The following DLGAP1 variants were observed in gnomAD, a reference collection of about 807,000 sequenced individuals.
The protein encoded by DLGAP1 is disks large-associated protein 1.
Under a neutral mutation model 90.8 loss-of-function variants are expected in DLGAP1, and 11 were observed. The ratio of observed to expected loss-of-function variants is 0.12; its 90% confidence interval spans 0.08 to 0.20. The LOEUF is 0.20. DLGAP1 is among the 10% of genes least tolerant of loss of function. DLGAP1 has a pLI of 1.00. For synonymous variants in DLGAP1, 558 were observed against 540.7 expected, an observed-to-expected ratio of 1.03 and a Z score of -0.44; for missense variants, 1,050 against 1,333.8, an observed-to-expected ratio of 0.79 and a Z score of 3.31.
chr18:3,719,906 C>T (rs1400024621), intron 7 of DLGAP1, among the ~76,000 whole-genome samples: 2 of 152,078 alleles, frequency 1.3e-5, no homozygotes, highest in Admixed American at 6.6e-5. Flanking sequence ...TTTAAAATTT[C>T]ATTATGGGAC....
intron 2 of DLGAP1, among the ~76,000 whole-genome samples, chr18:4,061,472 CA>C (rs1283825724): frequency 6.6e-6 from 1 of 152,068 alleles, no homozygotes; most frequent in Non-Finnish European, 1.5e-5. Context: ...AAAAGTACAA[CA>C]TTTTTTTTGA....
chr18:4,170,877 G>A (rs187718892), intron 1 of DLGAP1, among the ~76,000 whole-genome samples: 2 of 152,242 alleles, frequency 1.3e-5, no homozygotes, highest in East Asian at 1.9e-4. Flanking sequence ...TGCTTTTGAT[G>A]GGGGTTATAT....
In DLGAP1 at chr18:3,798,594, C is replaced by T. The variant is rs536458646; in HGVS notation, c.1172+15465G>A. Among the ~76,000 whole-genome samples, 8 of 152,230 alleles carry T rather than the reference C, an allele frequency of 5.3e-5. No homozygotes were observed. The South Asian group carries it at 1.5e-3, about 28-fold the overall frequency. On this transcript the variant is annotated intron_variant, in intron 5 of 12. Transcript: ENST00000315677. ...TGGCACATGGAGGGTGGTTGAGTAC[C>T]CTGGTCTCTGAGCGTATCTGTTTCT...
chr18:4,226,987 T>C (rs574681287), intron 1 of DLGAP1, among the ~76,000 whole-genome samples: 2 of 151,534 alleles, frequency 1.3e-5, no homozygotes, highest in East Asian at 1.9e-4. Flanking sequence ...TAAAGAAATA[T>C]ATACACTGAA....
chr18:4,093,663 A>G (rs1433563593), intron 2 of DLGAP1, among the ~76,000 whole-genome samples: 1 of 151,998 alleles, frequency 6.6e-6, no homozygotes, highest in Non-Finnish European at 1.5e-5. Context: ...ATAGTAGCAG[A>G]GTTTGTTTTG....
intron 11 of DLGAP1, among the ~76,000 whole-genome samples, chr18:3,507,703 C>A (rs1251633196): frequency 6.7e-6 from 1 of 148,692 alleles, no homozygotes; most frequent in Non-Finnish European, 1.5e-5. Context: ...TCCAGCTTGA[C>A]CAACAATTGA....
intron 2 of DLGAP1, among the ~76,000 whole-genome samples, chr18:4,028,407 G>A (rs894424154): frequency 6.6e-6 from 1 of 152,170 alleles, no homozygotes; most frequent in African/African-American, 2.4e-5. Context: ...GTGCATTCAG[G>A]TGGCAGCAAA....
intron 7 of DLGAP1, among the ~76,000 whole-genome samples, chr18:3,639,359 GAGAAAAGAAA>G (rs199859623): frequency 0.03 from 4,073 of 136,618 alleles, 89 homozygotes; most frequent in Admixed American, 0.049. Context: ...ATCTCAAAAA[GAGAAAAGAAA>G]AGAAAAGAAA....
intron 1 of DLGAP1, among the ~76,000 whole-genome samples, chr18:4,330,718 T>G (rs1451340484): frequency 6.6e-6 from 1 of 151,864 alleles, no homozygotes; most frequent in Non-Finnish European, 1.5e-5. Flanking sequence ...TTCTTTGTGG[T>G]CAGAGATTAT....
At chr18:3,557,415 G>T (rs1273816786) in intron 9 of DLGAP1, among the ~76,000 whole-genome samples, 1 of 152,050 alleles carries the variant, frequency 6.6e-6, no homozygotes, top group East Asian at 1.9e-4. Context: ...CCATCTACTC[G>T]GGAGACTGAG....
intron 7 of DLGAP1, among the ~76,000 whole-genome samples, chr18:3,595,865 G>C (rs1034587933): frequency 3.9e-5 from 6 of 152,176 alleles, no homozygotes; most frequent in Non-Finnish European, 7.4e-5. Context: ...TTCTACTGCT[G>C]AGTCAGACAG....
At chr18:4,449,677 GA>G (rs1465344738) in intron 1 of DLGAP1, among the ~76,000 whole-genome samples, 1 of 152,138 alleles carries the variant, frequency 6.6e-6, no homozygotes, top group African/African-American at 2.4e-5. Context: ...GTTCAGTGGG[GA>G]AAGCAATCTG....
chr18:3,900,249 G>A (rs1445197484), intron 3 of DLGAP1, among the ~76,000 whole-genome samples: 1 of 152,158 alleles, frequency 6.6e-6, no homozygotes, highest in Admixed American at 6.5e-5. Context: ...TGTCTCTCCT[G>A]TGAGTTACTG....
At chr18:4,147,602 CAT>C in intron 2 of DLGAP1, among the ~76,000 whole-genome samples, 1 of 151,728 alleles carries the variant, frequency 6.6e-6, no homozygotes, top group Non-Finnish European at 1.5e-5. Context: ...TCCATCCATC[CAT>C]CCATCCATCC....
intron 1 of DLGAP1, among the ~76,000 whole-genome samples, chr18:4,417,289 T>G (rs1362456810): frequency 6.6e-6 from 1 of 152,168 alleles, no homozygotes; most frequent in Non-Finnish European, 1.5e-5. Context: ...ACTAAATATA[T>G]TTTGTTCTAG....
At chr18:3,692,488 TC>T (rs1289235722) in intron 7 of DLGAP1, among the ~76,000 whole-genome samples, 3 of 152,168 alleles carry the variant, frequency 2.0e-5, no homozygotes, top group Non-Finnish European at 2.9e-5. Context: ...CTACCTTCAC[TC>T]CCAATTTACA....
At chr18:3,764,861 T>C (rs1568093634) in intron 5 of DLGAP1, among the ~76,000 whole-genome samples, 1 of 152,170 alleles carries the variant, frequency 6.6e-6, no homozygotes, top group Non-Finnish European at 1.5e-5. Flanking sequence ...CTGGTTTTTG[T>C]TCTAGGTTGA....
At chr18:4,299,004 C>T (rs1282949556) in intron 1 of DLGAP1, among the ~76,000 whole-genome samples, 2 of 149,750 alleles carry the variant, frequency 1.3e-5, no homozygotes, top group African/African-American at 5.0e-5. Context: ...TGGTGTGAAC[C>T]CGGGAGGCAC....
intron 7 of DLGAP1, among the ~76,000 whole-genome samples, chr18:3,716,516 A>G (rs2061766344): frequency 6.7e-6 from 1 of 150,036 alleles, no homozygotes; most frequent in Non-Finnish European, 1.5e-5. Flanking sequence ...AGCCTGGGTG[A>G]CACAGTGAGA....
Sources: gnomAD v4.1 joint callset for allele counts (sites outside exome capture counted in the v4.1 genomes callset) on GRCh38, gnomAD v4.1.1 for gene constraint, MANE v1.5 for transcripts, NCBI Gene and HGNC (gene_info 2026-07-23, HGNC 2026-07-21) for gene names.